The following CACNA1B variants were observed in gnomAD, a reference collection of about 807,000 sequenced individuals.
CACNA1B encodes the protein calcium voltage-gated channel subunit alpha1 B.
Under a neutral mutation model 247.2 loss-of-function variants are expected in CACNA1B, and 70 were observed. That is an observed-to-expected ratio of 0.28 (90% CI 0.23 to 0.35). The LOEUF (loss-of-function observed/expected upper bound fraction) is 0.35, where lower values mean the gene tolerates loss of function less well. Among genes scored for constraint, CACNA1B ranks in the 10% least tolerant of loss-of-function variants. The probability of loss-of-function intolerance (pLI) is 1.00; values close to 1 mark genes in which losing one functional copy is unlikely to be tolerated. For synonymous variants in CACNA1B, 1,231 were observed against 1,294.4 expected (o/e 0.95, Z 1.05); for missense variants, 2,367 against 3,197.4 (o/e 0.74, Z 6.26).
At chr9:137,928,824 T>G (rs1179255401) in intron 6 of CACNA1B, among the ~76,000 whole-genome samples, 1 of 152,216 alleles carries the variant, frequency 6.6e-6, no homozygotes, top group East Asian at 1.9e-4. Flanking sequence ...GCACTAACCT[T>G]TCTGTCTCTG....
intron 10 of CACNA1B, among the ~76,000 whole-genome samples, chr9:137,962,510 G>T (rs900908151): frequency 1.3e-5 from 2 of 151,300 alleles, no homozygotes; most frequent in Non-Finnish European, 3.0e-5. Flanking sequence ...TTTCTTTTTG[G>T]TATGGGCATT....
chr9:137,899,754 C>T lies in CACNA1B; in HGVS notation c.531-13426C>T, dbSNP rs1222867015. ...GGTGCCTCCCCTGCCAGCTTGGCTC[C>T]CATGTAGAACCAGCCTGAGAGTAGT... On this transcript the variant is annotated intron_variant, in intron 3 of 46. Transcript: ENST00000371372. This position sits in a 1 kb window ranked among gnomAD's most constrained non-coding sequence, Gnocchi z 5.0. Among the ~76,000 whole-genome samples, 1 of 152,150 alleles carries T rather than the reference C, an allele frequency of 6.6e-6. No homozygotes were observed. The highest frequency in any genetic ancestry group is 2.4e-5 in the African/African-American group (1 of 41,442).
chr9:138,082,851 A>G (rs1359918402), intron 36 of CACNA1B, among the ~76,000 whole-genome samples: 1 of 151,186 alleles, frequency 6.6e-6, no homozygotes, highest in Non-Finnish European at 1.5e-5. Context: ...AGTACATCAG[A>G]GGTGTAACAG....
In CACNA1B at chr9:137,955,883, G is replaced by T. The variant is rs1957941160; in HGVS notation, c.1186+70G>T. Reference sequence around the variant, plus strand: ...AGTTCTCTGTCCCCAATTCTGCTCTGCTGCCAGCTGGGGTGCCCTGGCTGC... The same window carrying T: ...AGTTCTCTGTCCCCAATTCTGCTCTTCTGCCAGCTGGGGTGCCCTGGCTGC... On this transcript the variant is annotated intron_variant, in intron 8 of 46. Transcript: ENST00000371372. This position sits in a 1 kb window ranked among gnomAD's most constrained non-coding sequence, Gnocchi z 6.9. 1 of 1,058,360 alleles carries T rather than the reference G, an allele frequency of 9.4e-7. No individual in the cohort carries two copies. Among genetic ancestry groups the T allele is most frequent in the Non-Finnish European group, 1.4e-6 (1 of 699,148 alleles). 65.6% of individuals were successfully genotyped at this position (1,058,360 alleles called of 1,614,324 possible).
Position 137,971,329 on chromosome 9 carries a change from G to A in CACNA1B, c.1334-54G>A. On this transcript the variant is annotated intron_variant, in intron 10 of 46. Coordinates refer to ENST00000371372, the MANE Select transcript of CACNA1B (RefSeq NM_000718.4). This position sits in a 1 kb window ranked among gnomAD's most constrained non-coding sequence, Gnocchi z 4.4. ...TGCGTCTGTGGGGGTCCACAGGTGG[G>A]GTAGGCGGGTGCCCATTGGTCCCCA... 1 of 1,326,012 alleles carries A rather than the reference G, an allele frequency of 7.5e-7. No individual in the cohort carries two copies. The highest frequency in any genetic ancestry group is 1.1e-6 in the Non-Finnish European group (1 of 940,690). 82.1% of individuals were successfully genotyped at this position (1,326,012 alleles called of 1,614,324 possible).
chr9:138,024,868 A>C, intron 19 of CACNA1B, 87 bp from the exon 20 acceptor site: 2 of 921,206 alleles, frequency 2.2e-6, no homozygotes, highest in Non-Finnish European at 3.4e-6. Context: ...TCCTGGGCTC[A>C]AGTGATCCTC....
Position 138,062,580 on chromosome 9 carries a change from GAC to G in CACNA1B, c.4668+2851_4668+2852del, listed in dbSNP as rs576624652. 2.4e-4 allele frequency among the ~76,000 whole-genome samples: 36 copies of G among 152,342 alleles called. No homozygotes were observed. In the East Asian group the frequency reaches 5.8e-3, roughly 24 times the overall value. ...GTCATAGACAGCGATGTCTCTTGGT[GAC>G]ACACACAGCTGCCACCAGGGCCAGG... On this transcript the variant is annotated intron_variant, in intron 31 of 46. Transcript: ENST00000371372.
At chr9:137,892,447 G>A (rs1195567654) in intron 3 of CACNA1B, 2 of 436,090 alleles carry the variant, frequency 4.6e-6, no homozygotes, top group South Asian at 1.7e-5. Flanking sequence ...TCATTGCATC[G>A]TGAAATGGTT....
In CACNA1B at chr9:137,880,438, C is replaced by G. The variant is rs1424269914; in HGVS notation, c.390+1279C>G. ...GAGGGTGAGCTTGAGAGGAAACAGG[C>G]AGAGAGCCTTGAATGCCAAGTCACA... On this transcript the variant is annotated intron_variant, in intron 2 of 46. Coordinates refer to ENST00000371372, the MANE Select transcript of CACNA1B (RefSeq NM_000718.4). This position sits in a 1 kb window ranked among gnomAD's most constrained non-coding sequence, Gnocchi z 4.8. 1.3e-5 allele frequency among the ~76,000 whole-genome samples: 2 copies of G among 151,974 alleles called. No homozygotes were observed. Among genetic ancestry groups the G allele is most frequent in the African/African-American group, 4.8e-5 (2 of 41,390 alleles).
In CACNA1B at chr9:138,052,649, T is replaced by G. The variant is rs1354758329; in HGVS notation, c.3807+461T>G. Among the ~76,000 whole-genome samples, 1 of 152,254 alleles carries G rather than the reference T, an allele frequency of 6.6e-6. No homozygotes were observed. Among genetic ancestry groups the G allele is most frequent in the Non-Finnish European group, 1.5e-5 (1 of 68,040 alleles). ...GCTAGGCCCTGTGCGAATTGCTTCA[T>G]GTGCTTCAGCTCACTTAATCTCCCA... On this transcript the variant is annotated intron_variant, in intron 25 of 46. Transcript: ENST00000371372. The surrounding 1 kb of genome is among the most constrained non-coding windows in gnomAD (Gnocchi z 5.1).
In CACNA1B at chr9:137,986,902, C is replaced by T. The variant is rs573318892; in HGVS notation, c.1974+48C>T. ...TTGCGGCCTGCCCGGCTCCCGTCTC[C>T]CCTGGGTGCTGGGAAGGCGGACTCT... On this transcript the variant is annotated intron_variant, in intron 15 of 46. Transcript: ENST00000371372. The surrounding 1 kb of genome is among the most constrained non-coding windows in gnomAD (Gnocchi z 6.0). The T allele has an allele frequency of 2.8e-6, 4 of 1,407,042 alleles. No homozygotes were observed. Among genetic ancestry groups the T allele is most frequent in the African/African-American group, 1.4e-5 (1 of 70,316 alleles). The allele number at this position is 1,407,042 out of a possible 1,614,324, so 87.2% of individuals were successfully genotyped here.
rs1234902080 is a variant in CACNA1B, at chr9:138,007,786, T to C, written c.2092+902T>C. 1.3e-5 allele frequency among the ~76,000 whole-genome samples: 2 copies of C among 152,136 alleles called. No individual in the cohort carries two copies. Among genetic ancestry groups the C allele is most frequent in the African/African-American group, 4.8e-5 (2 of 41,414 alleles). ...GGGCCCCGAGGAGCTGGAGACAATG[T>C]CTCACAGTCGACCTCCCGGCTCTGC... On this transcript the variant is annotated intron_variant, in intron 16 of 46. Transcript: ENST00000371372. The surrounding 1 kb of genome is among the most constrained non-coding windows in gnomAD (Gnocchi z 4.1).
At chr9:138,036,059 A>G (rs1056761340) in intron 20 of CACNA1B, among the ~76,000 whole-genome samples, 2 of 150,848 alleles carry the variant, frequency 1.3e-5, no homozygotes, top group Non-Finnish European at 3.0e-5. Flanking sequence ...TCCTTTTCAT[A>G]TTTCATCACT....
In CACNA1B at chr9:137,911,094, T is replaced by C. The variant is rs549909525; in HGVS notation, c.531-2086T>C. Reference sequence around the variant, plus strand: ...AGGTAAGGGTCCAACTTTATTCTGCTTGGTTGTTGAAAAGATCATTCTTTC... The same window carrying C: ...AGGTAAGGGTCCAACTTTATTCTGCCTGGTTGTTGAAAAGATCATTCTTTC... On this transcript the variant is annotated intron_variant, in intron 3 of 46. Coordinates refer to ENST00000371372, the MANE Select transcript of CACNA1B (RefSeq NM_000718.4). Among the ~76,000 whole-genome samples the C allele has an allele frequency of 6.6e-5, 10 of 152,338 alleles. No individual in the cohort carries two copies. The South Asian group carries it at 2.1e-3, about 32-fold the overall frequency.
intron 31 of CACNA1B, among the ~76,000 whole-genome samples, chr9:138,069,320 GC>G (rs1474718082): frequency 6.6e-6 from 1 of 152,070 alleles, no homozygotes; most frequent in Non-Finnish European, 1.5e-5. Context: ...CAGAGAGAGG[GC>G]TCCAAGCAAG....
At chr9:137,892,002 G>T (rs926125589) in intron 3 of CACNA1B, 6 of 456,356 alleles carry the variant, frequency 1.3e-5, no homozygotes, top group Non-Finnish European at 2.6e-5. Flanking sequence ...AGGGCCTTGC[G>T]CCTTGGTCCT....
At chr9:137,975,010 C>T (rs909785521) in intron 11 of CACNA1B, among the ~76,000 whole-genome samples, 16 of 152,198 alleles carry the variant, frequency 1.1e-4, no homozygotes, top group African/African-American at 3.9e-4. Context: ...GCTCAGCCAG[C>T]GGCTGGGCCT....
chr9:138,112,458 C>T lies in CACNA1B; in HGVS notation c.5489C>T (p.Ala1830Val), dbSNP rs966862089. The T allele has an allele frequency of 3.7e-6, 6 of 1,613,454 alleles. No individual in the cohort carries two copies. Among genetic ancestry groups the T allele is most frequent in the Non-Finnish European group, 5.1e-6 (6 of 1,179,432 alleles). The change falls in exon 40 of 47, where the codon GCC becomes GTC. Residue 1830 changes from alanine to valine, a missense_variant. Ala to Val is a moderately conservative substitution (Grantham distance 64). Transcript: ENST00000371372. ...ELRKEISVVWANLPQKTLDLL... is the reference protein window; with the variant it reads ...ELRKEISVVWVNLPQKTLDLL... ...AGGAAGGAGATTTCCGTTGTGTGGG[C>T]CAATCTGCCCCAGAAGACTTTGGAC...
intron 6 of CACNA1B, among the ~76,000 whole-genome samples, chr9:137,934,095 A>C (rs1387257273): frequency 6.6e-6 from 1 of 152,234 alleles, no homozygotes; most frequent in African/African-American, 2.4e-5. Flanking sequence ...GCTTACGATA[A>C]GTATGCAACA....
Sources: gnomAD v4.1 joint callset for allele counts (sites outside exome capture counted in the v4.1 genomes callset) on GRCh38, gnomAD v4.1.1 for gene constraint, Gnocchi (gnomAD v3.1) non-coding constraint, MANE v1.5 for transcripts, NCBI Gene and HGNC (gene_info 2026-07-23, HGNC 2026-07-21) for gene names.